Variants in THBS3 observed in about 807,000 individuals in gnomAD.
The protein encoded by THBS3 is thrombospondin-3.
In THBS3, 78 loss-of-function variants were observed where a neutral mutation model predicts 118.3. The observed-to-expected ratio is 0.66, with a 90% CI of 0.55 to 0.80. The LOEUF (loss-of-function observed/expected upper bound fraction) is 0.80, where lower values mean the gene tolerates loss of function less well. THBS3 is among the 30% of genes least tolerant of loss of function. The pLI is 0.00. For synonymous variants in THBS3, 427 were observed against 475.3 expected (o/e 0.90, Z 1.32); for missense variants, 1,057 against 1,247.4 (o/e 0.85, Z 2.30).
chr1:155,202,867 C>G lies in THBS3; in HGVS notation c.902G>C (p.Gly301Ala). 1 of 1,613,732 alleles carries G rather than the reference C, an allele frequency of 6.2e-7. No individual in the cohort carries two copies. Among genetic ancestry groups the G allele is most frequent in the Middle Eastern group, 1.6e-4 (1 of 6,062 alleles). ...GCCCTGCAGGCCAGGGGGGCAGGGC[C>G]CACAGCGGTAGCCTGGGTACTCGTA... ...EVYEYPGYRCGPCPPGLQGNG... is the reference protein window; with the variant it reads ...EVYEYPGYRCAPCPPGLQGNG... The change falls in exon 8 of 23, where the codon GGG becomes GCG. Residue 301 changes from glycine (G) to alanine (A), a missense_variant. Gly to Ala is a moderately conservative substitution (Grantham distance 60, BLOSUM62 0). Coordinates refer to ENST00000368378, the MANE Select transcript of THBS3 (RefSeq NM_007112.5). The surrounding 1 kb of genome is among the most constrained non-coding windows in gnomAD (Gnocchi z 5.5).
At position 155,197,799 on chromosome 1, in the gene THBS3, C is replaced by T; in HGVS notation, c.2302+81G>A. 1 of 1,604,600 alleles carries T rather than the reference C, an allele frequency of 6.2e-7. No homozygotes were observed. Among genetic ancestry groups the T allele is most frequent in the Non-Finnish European group, 8.5e-7 (1 of 1,172,066 alleles). The stretch of plus-strand genomic sequence containing the variant: ...CTCTCTCGCCACTTTGCCCATTCTC[C>T]CTGTCTGTTTCCTCCCCTACCCTCT... On this transcript the variant is annotated intron_variant, in intron 19 of 22. Transcript: ENST00000368378. The surrounding 1 kb of genome is among the most constrained non-coding windows in gnomAD (Gnocchi z 5.0).
In THBS3 at chr1:155,200,636, G is replaced by A. The variant is rs185821003; in HGVS notation, c.1549-26C>T. 53 of 1,611,128 alleles carry A rather than the reference G, an allele frequency of 3.3e-5. 1 individual carries two copies. The highest frequency in any genetic ancestry group is 1.6e-4 in the Middle Eastern group (1 of 6,066). The stretch of plus-strand genomic sequence containing the variant: ...CTGGGCAGAGGGGTGGGAGGGGAAG[G>A]GTCAGGTCTCCCCTAAATCACTTGT... On this transcript the variant is annotated intron_variant, in intron 13 of 22. Transcript: ENST00000368378.
At position 155,207,895 on chromosome 1, in the gene THBS3, T is replaced by C. The variant is rs1670790997; in HGVS notation, c.-19A>G. On this transcript the variant is annotated 5_prime_UTR_variant, in exon 1 of 23. Transcript: ENST00000368378. ...TCTCCATGCCTCTCAGCCGGCTCAC[T>C]ACCCCTGGCAGGCAGGCAGCTGGGA... 1.2e-6 allele frequency: 2 copies of C among 1,610,128 alleles called. No homozygotes were observed. The highest frequency in any genetic ancestry group is 2.2e-5 in the East Asian group (1 of 44,606).
chr1:155,201,473 G>C lies in THBS3; in HGVS notation c.1273C>G (p.Pro425Ala). 2 of 1,613,854 alleles carry C rather than the reference G, an allele frequency of 1.2e-6. No homozygotes were observed. The highest frequency in any genetic ancestry group is 1.7e-6 in the Non-Finnish European group (2 of 1,179,840). The change falls in exon 11 of 23, where the codon CCC (proline) becomes GCC (alanine). Residue 425 changes from proline to alanine, a missense_variant. By Grantham distance (27) the Pro-to-Ala change is conservative (BLOSUM62 -1). This residue lies in a region of THBS3 where 544 missense variants were observed against 715.6 expected (regional missense o/e 0.76). Coordinates refer to ENST00000368378, the MANE Select transcript of THBS3 (RefSeq NM_007112.5). Reference sequence around the variant, plus strand: ...AGACAGTGAGCATGGATGTGGCAGGGGCTGTGGGCTGGGCTGTGGCAGGTC... The same window carrying C: ...AGACAGTGAGCATGGATGTGGCAGGCGCTGTGGGCTGGGCTGTGGCAGGTC... ...ARTCHSPAHS[P>A]CHIHAHCLFE...
chr1:155,197,737 G>A lies in THBS3; in HGVS notation c.2303-78C>T. 1.3e-6 allele frequency: 2 copies of A among 1,591,486 alleles called. No homozygotes were observed. The highest frequency in any genetic ancestry group is 2.2e-5 in the East Asian group (1 of 44,578). ...TCATGGGGTAAAGTTGGGAAGGGAT[G>A]CCTGCTATGTATGTGGCCAGCTTGT... On this transcript the variant is annotated intron_variant, in intron 19 of 22. Transcript: ENST00000368378. This position sits in a 1 kb window ranked among gnomAD's most constrained non-coding sequence, Gnocchi z 5.0.
At chr1:155,200,864 G>A in intron 13 of THBS3, 33 bp downstream of exon 13, 1 of 1,613,988 alleles carries the variant, frequency 6.2e-7, no homozygotes, top group Non-Finnish European at 8.5e-7. Context: ...GAGGGGAGAG[G>A]AGCTTCAAGG....
Position 155,197,138 on chromosome 1 carries a change from C to T in THBS3, c.2575G>A (p.Val859Ile). The change falls in exon 21 of 23, where the codon GTA becomes ATA. Residue 859 changes from valine (V) to isoleucine (I), a missense_variant. Physicochemically the swap from Val to Ile is conservative, Grantham distance 29 (BLOSUM62 3). Transcript: ENST00000368378. This position sits in a 1 kb window ranked among gnomAD's most constrained non-coding sequence, Gnocchi z 5.0. ...CGTGGGTCTGTCCACAGCAGTCGTA[C>T]CTGATCAGGGGTGTGGCCAGTATGC... ...LWHTGHTPDQ[V>I]RLLWTDPRNV... The T allele has an allele frequency of 6.2e-7, 1 of 1,614,202 alleles. No homozygotes were observed. Among genetic ancestry groups the T allele is most frequent in the Non-Finnish European group, 8.5e-7 (1 of 1,180,038 alleles).
At chr1:155,208,915 G>A (rs138982566), upstream of THBS3, 1 of 1,611,540 alleles carries the variant, frequency 6.2e-7, no homozygotes, top group East Asian at 2.2e-5. Context: ...CCTGGCCCAG[G>A]CGCACAAGAC....
intron 1 of THBS3, 69 bp downstream of exon 1, chr1:155,207,729 C>G: frequency 6.5e-7 from 1 of 1,533,384 alleles, no homozygotes; most frequent in Non-Finnish European, 9.0e-7. Flanking sequence ...CACATGTTCT[C>G]TGCTACTTGG....
intron 4 of THBS3, among the ~76,000 whole-genome samples, chr1:155,204,056 T>G (rs948409099): frequency 6.6e-6 from 1 of 151,338 alleles, no homozygotes; most frequent in African/African-American, 2.4e-5. Context: ...GCCAGGCTGG[T>G]CTTGAACTCC....
rs757443605 is a variant in THBS3, at chr1:155,198,459, C to T, written c.2024G>A (p.Gly675Asp). The T allele has an allele frequency of 1.2e-6, 2 of 1,614,178 alleles. No individual in the cohort carries two copies. The highest frequency in any genetic ancestry group is 2.2e-5 in the South Asian group (2 of 91,078). ...NDGIPDYVPPGPDNCRLVPNP... is the reference protein window; with the variant it reads ...NDGIPDYVPPDPDNCRLVPNP... Reference sequence around the variant, plus strand: ...GGGTACCAGGCGGCAGTTATCGGGACCAGGAGGCACATAATCTGGGATGCC... The same window carrying T: ...GGGTACCAGGCGGCAGTTATCGGGATCAGGAGGCACATAATCTGGGATGCC... Residue 675 changes from glycine (G) to aspartate (D), a missense_variant, in exon 17 of 23, where the codon GGT becomes GAT. Transcript: ENST00000368378.
At position 155,202,269 on chromosome 1, in the gene THBS3, T is replaced by C; in HGVS notation, c.1090A>G (p.Ser364Gly). ...ACACTACCCAGTCTGACCTGTTTGCTGGCCCGGGCATAGTCAATGCCCACA... is the reference window on the plus strand; with the variant it reads ...ACACTACCCAGTCTGACCTGTTTGCCGGCCCGGGCATAGTCAATGCCCACA... ...SGVGIDYARA[S>G]KQVCNDIDEC... The change falls in exon 9 of 23, where the codon AGC becomes GGC. Residue 364 changes from serine to glycine, a missense_variant. Coordinates refer to ENST00000368378, the MANE Select transcript of THBS3 (RefSeq NM_007112.5). This position sits in a 1 kb window ranked among gnomAD's most constrained non-coding sequence, Gnocchi z 5.5. 1 of 1,613,934 alleles carries C rather than the reference T, an allele frequency of 6.2e-7. No homozygotes were observed. Among genetic ancestry groups the C allele is most frequent in the Non-Finnish European group, 8.5e-7 (1 of 1,179,924 alleles).
In THBS3 at chr1:155,202,438, C is replaced by T; in HGVS notation, c.958-37G>A. ...ATGAGAAGGCAGAGGTCAGGCCGCC[C>T]TCTGGGAAACTCAGGTCCCTGCCTG... is the stretch of plus-strand genomic sequence containing the variant. On this transcript the variant is annotated intron_variant, in intron 8 of 22. Transcript: ENST00000368378. The surrounding 1 kb of genome is among the most constrained non-coding windows in gnomAD (Gnocchi z 5.5). 1.9e-6 allele frequency: 3 copies of T among 1,606,030 alleles called. No individual in the cohort carries two copies. Among genetic ancestry groups the T allele is most frequent in the Non-Finnish European group, 2.6e-6 (3 of 1,176,346 alleles).
chr1:155,196,215 A>G (rs963815973), intron 21 of THBS3, 89 bp from the exon 22 acceptor site: 1 of 1,491,990 alleles, frequency 6.7e-7, no homozygotes, highest in Non-Finnish European at 9.2e-7. Flanking sequence ...GCTTTTCCCC[A>G]GCCCCCCTTG....
chr1:155,205,118 G>T lies in THBS3; in HGVS notation c.485C>A (p.Pro162Gln). 4.3e-6 allele frequency: 7 copies of T among 1,614,186 alleles called. No individual in the cohort carries two copies. Among genetic ancestry groups the T allele is most frequent in the Non-Finnish European group, 5.9e-6 (7 of 1,180,050 alleles). ...AATCTCCAGCCCATCGACCTCCGCT[G>T]GAGGAATGGGGGCCAGTGCTGGAAG... Reference protein sequence around the residue: ...AGLPALAPIPPAEVDGLEIRT... With the variant: ...AGLPALAPIPQAEVDGLEIRT... Residue 162 changes from proline to glutamine, a missense_variant, in exon 3 of 23, where the codon CCA becomes CAA. Transcript: ENST00000368378.
Position 155,198,060 on chromosome 1 carries a change from G to T in THBS3, c.2235C>A (p.Asn745Lys). Residue 745 changes from asparagine to lysine, a missense_variant, in exon 18 of 23, where the codon AAC (asparagine) becomes AAA (lysine). Asn to Lys is a moderately conservative substitution (Grantham distance 94). This residue lies in a region of THBS3 where 307 missense variants were observed against 326.1 expected (regional missense o/e 0.94). Coordinates refer to ENST00000368378, the MANE Select transcript of THBS3 (RefSeq NM_007112.5). ...DPEGDAQIDP[N>K]WVVLNQGMEI... Reference sequence around the variant, plus strand: ...GAGTTACCTGGTTGAGCACAACCCAGTTTGGGTCAATCTGAGCATCACCCT... The same window carrying T: ...GAGTTACCTGGTTGAGCACAACCCATTTTGGGTCAATCTGAGCATCACCCT... 6.2e-7 allele frequency: 1 copy of T among 1,614,214 alleles called. No homozygotes were observed. Among genetic ancestry groups the T allele is most frequent in the Non-Finnish European group, 8.5e-7 (1 of 1,180,044 alleles).
intron 1 of THBS3, among the ~76,000 whole-genome samples, chr1:155,207,218 C>T (rs142808810): frequency 2.6e-5 from 4 of 152,340 alleles, no homozygotes; most frequent in Non-Finnish European, 5.9e-5. Context: ...ACCCTCCCAC[C>T]ATCTGGGCTA....
chr1:155,198,645 T>G (rs373992697), intron 16 of THBS3, 43 bp from the exon 17 acceptor site: 24 of 1,579,340 alleles, frequency 1.5e-5, no homozygotes, highest in Non-Finnish European at 1.9e-5. Context: ...TTAAAGGTAC[T>G]CCTTGTCCTT....
chr1:155,195,751 G>GGGGCTGT lies in THBS3; in HGVS notation c.*83_*89dup, dbSNP rs1668556837. On this transcript the variant is annotated 3_prime_UTR_variant, in exon 23 of 23. Coordinates refer to ENST00000368378, the MANE Select transcript of THBS3 (RefSeq NM_007112.5). ...CAGAGAAGGGTCTGTGGTTGGCTGA[G>GGGGCTGT]GGGCTGTAGCTTAGACCTCAGGGTC... 7.1e-7 allele frequency: 1 copy of GGGGCTGT among 1,408,332 alleles called. No homozygotes were observed. The highest frequency in any genetic ancestry group is 2.3e-5 in the East Asian group (1 of 43,742). The allele number at this position is 1,408,332 out of a possible 1,614,324, so 87.2% of individuals were successfully genotyped here.
Sources: gnomAD v4.1 joint callset for allele counts (sites outside exome capture counted in the v4.1 genomes callset) on GRCh38, gnomAD v4.1.1 for gene constraint, gnomAD v4.1.1 regional missense constraint, Gnocchi (gnomAD v3.1) non-coding constraint, MANE v1.5 for transcripts, NCBI Gene and HGNC (gene_info 2026-07-23, HGNC 2026-07-21) for gene names.